CYRIA: variants seen among roughly 807,000 people sequenced by gnomAD.
The protein encoded by CYRIA is CYFIP-related Rac1 interactor A.
Under a neutral mutation model 43.9 loss-of-function variants are expected in CYRIA, and 15 were observed. The observed-to-expected ratio is 0.34, with a 90% CI of 0.23 to 0.53. CYRIA has a LOEUF of 0.53. Ranked by LOEUF, CYRIA falls within the 20% of genes least tolerant of loss-of-function variation. The pLI, the probability that CYRIA is intolerant of heterozygous loss-of-function variation, is 0.94. For synonymous variants in CYRIA, 117 were observed against 136.0 expected (o/e 0.86, Z 0.97); for missense variants, 236 against 394.2 (o/e 0.60, Z 3.40).
intron 3 of CYRIA, among the ~76,000 whole-genome samples, chr2:16,584,020 A>C (rs1031685715): frequency 3.9e-5 from 6 of 152,144 alleles, no homozygotes; most frequent in African/African-American, 1.4e-4. Flanking sequence ...AATATTTAAC[A>C]CTCAAAGTAG....
chr2:16,561,895 A>G (rs1042910254), intron 6 of CYRIA, 110 bp downstream of exon 6: 3 of 1,018,866 alleles, frequency 2.9e-6, no homozygotes, highest in Non-Finnish European at 1.4e-6. Context: ...GGAAGGAATT[A>G]CATCTTACTC....
intron 2 of CYRIA, among the ~76,000 whole-genome samples, chr2:16,604,089 T>C (rs1034628345): frequency 6.6e-6 from 1 of 152,168 alleles, no homozygotes; most frequent in Admixed American, 6.5e-5. Context: ...AGCGCCTTCA[T>C]CTGCACCTGC....
At chr2:16,628,163 T>TAAC (rs61054127) in intron 1 of CYRIA, among the ~76,000 whole-genome samples, 77,159 of 151,592 alleles carry the variant, frequency 0.51, 19,898 homozygotes, top group Non-Finnish European at 0.53. Flanking sequence ...CCTAGAATAA[T>TAAC]AACAACAACA....
At chr2:16,577,721 A>T (rs1001657226) in intron 3 of CYRIA, among the ~76,000 whole-genome samples, 1 of 152,272 alleles carries the variant, frequency 6.6e-6, no homozygotes, top group Non-Finnish European at 1.5e-5. Context: ...AGTCTATGTC[A>T]GCCTGCAAAG....
intron 1 of CYRIA, among the ~76,000 whole-genome samples, chr2:16,654,303 T>C (rs1272048440): frequency 1.3e-5 from 2 of 152,190 alleles, no homozygotes; most frequent in African/African-American, 4.8e-5. Flanking sequence ...TCCAGAAAAC[T>C]GTCTGGCACT....
intron 1 of CYRIA, among the ~76,000 whole-genome samples, chr2:16,655,812 T>C (rs914558912): frequency 3.3e-4 from 50 of 152,222 alleles, no homozygotes; most frequent in African/African-American, 1.2e-3. Flanking sequence ...TTCTTTCACT[T>C]ATTTTTATTT....
At chr2:16,574,333 A>G (rs1345716600) in intron 3 of CYRIA, among the ~76,000 whole-genome samples, 1 of 152,250 alleles carries the variant, frequency 6.6e-6, no homozygotes, top group East Asian at 1.9e-4. Context: ...AATGGAAAAC[A>G]GAGCATAAAA....
chr2:16,665,722 C>T (rs1670374996), intron 1 of CYRIA, 58 bp downstream of exon 1: 1 of 148,150 alleles, frequency 6.7e-6, no homozygotes, highest in Non-Finnish European at 1.5e-5. Flanking sequence ...AGGCCGAGCC[C>T]CGCGCCCGCA....
At chr2:16,623,697 T>C (rs1455577249) in intron 2 of CYRIA, among the ~76,000 whole-genome samples, 167 bp downstream of exon 2, 1 of 152,200 alleles carries the variant, frequency 6.6e-6, no homozygotes, top group Non-Finnish European at 1.5e-5. Context: ...AGCCTCAAGA[T>C]AGCACAGATC....
intron 3 of CYRIA, among the ~76,000 whole-genome samples, chr2:16,571,634 A>C (rs965005684): frequency 6.6e-6 from 1 of 152,244 alleles, no homozygotes; most frequent in African/African-American, 2.4e-5. Flanking sequence ...CCATTTACAT[A>C]GAGATGTCTT....
rs1215409498 is a variant in CYRIA at position 16,550,008 on chromosome 2, T to G, written c.*2928A>C. 1 of 150,478 alleles carries G rather than the reference T, an allele frequency of 6.6e-6. No individual in the cohort carries two copies. Among genetic ancestry groups the G allele is most frequent in the African/African-American group, 2.4e-5 (1 of 40,994 alleles). The allele number at this position is 150,478 out of a possible 1,614,324, so 9.3% of individuals were successfully genotyped here. ...AGTTGTTTTTTTTTTTTGTTATTGT[T>G]TTTTTTTTTCTACTACTAATTCCTA... On this transcript the variant is annotated 3_prime_UTR_variant, in exon 12 of 12. Transcript: ENST00000381323.
intron 1 of CYRIA, among the ~76,000 whole-genome samples, chr2:16,631,408 G>C (rs1669327679): frequency 6.6e-6 from 1 of 152,320 alleles, no homozygotes; most frequent in African/African-American, 2.4e-5. Flanking sequence ...GTAGATGAGT[G>C]GAAAAAGAGG....
chr2:16,555,911 T>C (rs1055946195), intron 10 of CYRIA, among the ~76,000 whole-genome samples: 4 of 152,170 alleles, frequency 2.6e-5, no homozygotes, highest in Non-Finnish European at 4.4e-5. Flanking sequence ...TCATGCTTGT[T>C]TCTTTAGTAT....
intron 3 of CYRIA, among the ~76,000 whole-genome samples, chr2:16,575,742 G>A (rs933467537): frequency 3.9e-5 from 6 of 152,072 alleles, no homozygotes; most frequent in Middle Eastern, 3.4e-3. Flanking sequence ...TGTAGTCCCA[G>A]CTACTCGGGA....
At chr2:16,626,778 C>T (rs923704638) in intron 1 of CYRIA, among the ~76,000 whole-genome samples, 1 of 152,176 alleles carries the variant, frequency 6.6e-6, no homozygotes, top group South Asian at 2.1e-4. Context: ...TGCATTTGCT[C>T]CCATCCAAGC....
intron 2 of CYRIA, among the ~76,000 whole-genome samples, chr2:16,618,299 T>G (rs1244735234): frequency 6.6e-6 from 1 of 152,198 alleles, no homozygotes; most frequent in African/African-American, 2.4e-5. Context: ...TTCTTTCTCT[T>G]TTTAAACAAT....
chr2:16,572,925 G>C (rs1171165949), intron 3 of CYRIA, among the ~76,000 whole-genome samples: 1 of 152,104 alleles, frequency 6.6e-6, no homozygotes, highest in South Asian at 2.1e-4. Context: ...CTGCACTACT[G>C]TCTCTTCCAT....
chr2:16,571,464 A>T (rs1012956167), intron 3 of CYRIA, among the ~76,000 whole-genome samples: 1 of 152,240 alleles, frequency 6.6e-6, no homozygotes, highest in Non-Finnish European at 1.5e-5. Flanking sequence ...GAGAAGGGCT[A>T]TCAAATCCAT....
At chr2:16,655,832 C>T (rs938811290) in intron 1 of CYRIA, among the ~76,000 whole-genome samples, 42 of 152,084 alleles carry the variant, frequency 2.8e-4, no homozygotes, top group African/African-American at 9.9e-4. Flanking sequence ...TCTAAAGTCG[C>T]ATATGCAAAT....
Sources: gnomAD v4.1 joint callset for allele counts (sites outside exome capture counted in the v4.1 genomes callset) on GRCh38, gnomAD v4.1.1 for gene constraint, MANE v1.5 for transcripts, NCBI Gene and HGNC (gene_info 2026-07-23, HGNC 2026-07-21) for gene names.